Variants in OR3A3 observed in about 807,000 individuals in gnomAD.
OR3A3 encodes olfactory receptor family 3 subfamily A member 3, also known as olfactory receptor 3A3.
For synonymous variants in OR3A3, 103 were observed against 163.9 expected, an observed-to-expected ratio of 0.63 and a Z score of 2.84; for missense variants, 275 against 391.4, an observed-to-expected ratio of 0.70 and a Z score of 2.51.
intron 2 of OR3A3, among the ~76,000 whole-genome samples, chr17:3,412,738 T>C (rs1170930549): frequency 6.6e-6 from 1 of 151,966 alleles, no homozygotes; most frequent in African/African-American, 2.4e-5. Flanking sequence ...TACTTGTCTG[T>C]AAGGTGTGGC....
exon 3 of OR3A3, chr17:3,421,785 C>G (rs1481601440): frequency 2.5e-6 from 1 of 398,994 alleles, no homozygotes; most frequent in African/African-American, 2.0e-5. Context: ...TCTCTGCACT[C>G]AAGCAAATCA....
At chr17:3,421,811 G>C (rs1157436825) in exon 3 of OR3A3, 2 of 319,486 alleles carry the variant, frequency 6.3e-6, no homozygotes, top group African/African-American at 4.3e-5. Flanking sequence ...TATAAAGGTA[G>C]GCTAAATAAA....
chr17:3,413,826 A>G (rs1031756910), intron 2 of OR3A3, among the ~76,000 whole-genome samples: 23 of 117,826 alleles, frequency 2.0e-4, no homozygotes, highest in African/African-American at 7.3e-4. Flanking sequence ...ATCTCAAAAA[A>G]AAACAAAAAA....
intron 2 of OR3A3, among the ~76,000 whole-genome samples, chr17:3,415,813 T>A (rs199930573): frequency 0.42 from 57,327 of 135,996 alleles, 12,842 homozygotes; most frequent in Non-Finnish European, 0.53. Flanking sequence ...TTATTATTAT[T>A]ATTATTATTA....
In OR3A3 at chr17:3,421,614, C is replaced by G. The variant is rs58126916; in HGVS notation, c.*81C>G. 3,597 of 1,474,354 alleles carry G rather than the reference C, an allele frequency of 2.4e-3. 55 individuals are homozygous for G. The Admixed American group carries it at 0.029, about 12-fold the overall frequency. 91.3% of individuals were successfully genotyped at this position (1,474,354 alleles called of 1,614,324 possible). ...GTAACCAACAAACCTTGTTTATAAC[C>G]ATTATTTCTATCTCCTGATGCCTGA... On this transcript the variant is annotated 3_prime_UTR_variant, in exon 3 of 3. Coordinates refer to ENST00000641141, the Ensembl canonical transcript of OR3A3.
chr17:3,413,831 A>AAAAAAAAC (rs1555532355), intron 2 of OR3A3, among the ~76,000 whole-genome samples: 1 of 143,580 alleles, frequency 7.0e-6, no homozygotes, highest in Non-Finnish European at 1.5e-5. Context: ...AAAAAAAAAC[A>AAAAAAAAC]AAAAAACAAA....
intron 2 of OR3A3, among the ~76,000 whole-genome samples, chr17:3,418,857 G>A (rs763626287): frequency 2.6e-5 from 4 of 151,992 alleles, no homozygotes; most frequent in Non-Finnish European, 5.9e-5. Context: ...ATATTTTTTT[G>A]ATTCAGAGTT....
chr17:3,418,300 C>T lies in OR3A3; in HGVS notation c.-6-2280C>T, dbSNP rs1434343543. Among the ~76,000 whole-genome samples, 5 of 152,264 alleles carry T rather than the reference C, an allele frequency of 3.3e-5. No individual in the cohort carries two copies. The East Asian group carries it at 9.6e-4, about 29-fold the overall frequency. On this transcript the variant is annotated intron_variant, in intron 2 of 2. Transcript: ENST00000641141. Reference sequence around the variant, plus strand: ...AGTCTAAATGAATCGAAAGGTTTCTCAGCCAGTTTTTCATGAGAGGTTTTT... The same window carrying T: ...AGTCTAAATGAATCGAAAGGTTTCTTAGCCAGTTTTTCATGAGAGGTTTTT...
chr17:3,417,662 G>A (rs2072400533), intron 2 of OR3A3, among the ~76,000 whole-genome samples: 1 of 152,078 alleles, frequency 6.6e-6, no homozygotes, highest in Non-Finnish European at 1.5e-5. Context: ...GTTACAGTTT[G>A]TCTTAATAGA....
At chr17:3,423,118 C>G (rs2072446960) in exon 3 of OR3A3, 1 of 152,212 alleles carries the variant, frequency 6.6e-6, no homozygotes, top group Non-Finnish European at 1.5e-5. Context: ...ATCCACTGCT[C>G]TGTGATCTTA....
intron 2 of OR3A3, 113 bp downstream of exon 2, chr17:3,412,284 TA>T (rs2072366694): frequency 1.3e-5 from 2 of 149,872 alleles, no homozygotes; most frequent in African/African-American, 5.0e-5. Flanking sequence ...GAAAGCCATT[TA>T]GGGGAAGACC....
At chr17:3,421,642 A>G in exon 3 of OR3A3, 1 of 1,290,108 alleles carries the variant, frequency 7.8e-7, no homozygotes, top group South Asian at 1.6e-5. Context: ...ATGCCTGAGG[A>G]GTGGTGTTAT....
At chr17:3,422,134 G>A (rs2072439180) in exon 3 of OR3A3, 1 of 152,180 alleles carries the variant, frequency 6.6e-6, no homozygotes, top group Admixed American at 6.5e-5. Flanking sequence ...TGAACCGTGG[G>A]CCCAGTGCCA....
chr17:3,418,155 C>A (rs2072403372), intron 2 of OR3A3, among the ~76,000 whole-genome samples: 1 of 152,100 alleles, frequency 6.6e-6, no homozygotes. Flanking sequence ...TAGCTCTATG[C>A]CACAATTTTT....
At chr17:3,421,024 T>C (rs753522611) in exon 3 of OR3A3, 3 of 1,614,068 alleles carry the variant, frequency 1.9e-6, no homozygotes, top group Admixed American at 1.7e-5. Flanking sequence ...CCAGAGGATG[T>C]TGGTGGCTGC....
intron 2 of OR3A3, among the ~76,000 whole-genome samples, chr17:3,419,501 T>C (rs2072412703): frequency 6.6e-6 from 1 of 152,208 alleles, no homozygotes; most frequent in African/African-American, 2.4e-5. Flanking sequence ...TCATCCAGTT[T>C]GTATAAAAGG....
chr17:3,421,215 T>C, exon 3 of OR3A3: 3 of 1,614,208 alleles, frequency 1.9e-6, no homozygotes, highest in Non-Finnish European at 2.5e-6. Flanking sequence ...CCTTCATGGC[T>C]GTGGCACCCT....
intron 2 of OR3A3, among the ~76,000 whole-genome samples, chr17:3,415,422 G>A (rs966409651): frequency 4.0e-5 from 6 of 151,650 alleles, no homozygotes; most frequent in South Asian, 2.1e-4. Flanking sequence ...TTAGCCAGAC[G>A]TGGTGGCGGG....
At chr17:3,420,274 T>C (rs1193772227) in intron 2 of OR3A3, among the ~76,000 whole-genome samples, 1 of 152,224 alleles carries the variant, frequency 6.6e-6, no homozygotes, top group African/African-American at 2.4e-5. Context: ...AACTATAATC[T>C]ACTCATTTAG....
Sources: gnomAD v4.1 joint callset for allele counts (sites outside exome capture counted in the v4.1 genomes callset) on GRCh38, gnomAD v4.1.1 for gene constraint, MANE v1.5 for transcripts, NCBI Gene and HGNC (gene_info 2026-07-23, HGNC 2026-07-21) for gene names.